The following MALAT1 variants were observed in gnomAD, a reference collection of about 807,000 sequenced individuals.
The protein encoded by MALAT1 is metastasis associated lung adenocarcinoma transcript 1, also known as hepcarcin.
At chr11:65,500,930 TATACTC>T (rs776548730) in exon 3 of MALAT1, 3 of 513,032 alleles carry the variant, frequency 5.8e-6, no homozygotes, top group South Asian at 2.8e-5. Context: ...TTTTCAGGCT[TATACTC>T]ATGAATCTTG....
Position 65,505,952 on chromosome 11 carries a change from G to A in MALAT1, n.5169-308G>A, listed in dbSNP as rs763656158. The A allele has an allele frequency of 2.3e-5, 10 of 438,680 alleles. No homozygotes were observed. In the Middle Eastern group the frequency reaches 1.1e-3, roughly 47 times the overall value. The allele number at this position is 438,680 out of a possible 1,614,324, so 27.2% of individuals were successfully genotyped here. A position where few individuals can be genotyped will look rare whatever the true frequency, so the allele number is the denominator to read the frequency against. ...AAATTCTCTGCTAAGACTTTTTCAG[G>A]TGAACATAACAGACTTGGCCAAGCT... On this transcript the variant is annotated intron_variant and non_coding_transcript_variant, in intron 3 of 3. Coordinates refer to ENST00000619449, the Ensembl canonical transcript of MALAT1.
At chr11:65,501,094 G>T (rs368013106) in exon 3 of MALAT1, 5 of 514,934 alleles carry the variant, frequency 9.7e-6, no homozygotes, top group South Asian at 7.1e-5. Flanking sequence ...TAAGCAGTTT[G>T]TATGTTTAGT....
At chr11:65,503,644 C>A in exon 3 of MALAT1, 1 of 511,780 alleles carries the variant, frequency 2.0e-6, no homozygotes, top group South Asian at 1.4e-5. Context: ...TTTTAGAAAG[C>A]TGTCTCCTTA....
intron 3 of MALAT1, chr11:65,505,526 G>GCA (rs1854663709): frequency 1.9e-6 from 1 of 515,726 alleles, no homozygotes; most frequent in Non-Finnish European, 3.9e-6. Context: ...CCTGTTAAAA[G>GCA]CAAGGTCTCC....
exon 3 of MALAT1, chr11:65,499,728 A>G (rs926703157): frequency 6.9e-6 from 3 of 433,660 alleles, no homozygotes; most frequent in Admixed American, 2.8e-5. Flanking sequence ...ATTAGAAGAT[A>G]AAAACATACT....
exon 3 of MALAT1, chr11:65,499,080 AG>A (rs770831740): frequency 1.9e-6 from 1 of 518,304 alleles, no homozygotes; most frequent in Non-Finnish European, 3.9e-6. Context: ...GCTTCTGCTG[AG>A]GGGGCAGGCG....
exon 1 of MALAT1, chr11:65,497,748 A>T (rs773658779): frequency 5.1e-6 from 2 of 390,236 alleles, no homozygotes; most frequent in Non-Finnish European, 1.0e-5. Flanking sequence ...CGCAGCCTGC[A>T]GCCCGAGACT....
chr11:65,504,462 A>G (rs1276386659), intron 3 of MALAT1: 1 of 518,866 alleles, frequency 1.9e-6, no homozygotes, highest in Non-Finnish European at 3.8e-6. Context: ...TGTGTTCCCC[A>G]ATGCTTGGAG....
chr11:65,498,208 C>A, intron 1 of MALAT1: 1 of 518,934 alleles, frequency 1.9e-6, no homozygotes, highest in Non-Finnish European at 3.8e-6. Context: ...GGAGACAAAG[C>A]CATTCGCTTA....
intron 1 of MALAT1, chr11:65,498,194 C>A: frequency 1.9e-6 from 1 of 518,958 alleles, no homozygotes; most frequent in Non-Finnish European, 3.8e-6. Flanking sequence ...GTCTCTGTGT[C>A]TTCGGAGACA....
chr11:65,499,132 A>G (rs773201877), exon 3 of MALAT1: 4 of 517,656 alleles, frequency 7.7e-6, no homozygotes, highest in South Asian at 1.4e-5. Context: ...TCTCTTTGAA[A>G]GATAGAGATT....
exon 3 of MALAT1, chr11:65,500,077 A>T (rs1018071261): frequency 2.4e-5 from 11 of 454,646 alleles, no homozygotes; most frequent in South Asian, 1.8e-4. Flanking sequence ...AAGCTTGAGA[A>T]GATGAGGGTG....
intron 3 of MALAT1, chr11:65,506,052 C>T (rs372135220): frequency 3.8e-4 from 167 of 443,634 alleles, no homozygotes; most frequent in South Asian, 1.3e-3. Context: ...GAGAAAACAA[C>T]ACGTATTGTT....
chr11:65,505,859 C>T (rs1565057690), intron 3 of MALAT1: 1 of 464,454 alleles, frequency 2.2e-6, no homozygotes, highest in Non-Finnish European at 4.3e-6. Flanking sequence ...TGGGTGGGAA[C>T]ATGTAACTTG....
chr11:65,506,268 T>TA (rs756344756), exon 4 of MALAT1: 2 of 452,846 alleles, frequency 4.4e-6, no homozygotes, highest in Non-Finnish European at 8.5e-6. Context: ...AGGTGGGAGG[T>TA]AACAGCACAA....
At chr11:65,503,704 G>C (rs758183313) in exon 3 of MALAT1, 1 of 517,754 alleles carries the variant, frequency 1.9e-6, no homozygotes, top group Non-Finnish European at 3.9e-6. Context: ...GCAATCTTGG[G>C]GGGGATTCTT....
At chr11:65,498,610 G>C (rs1385971655) in intron 1 of MALAT1, 1 of 518,668 alleles carries the variant, frequency 1.9e-6, no homozygotes, top group Non-Finnish European at 3.8e-6. Context: ...AACCGTCCCT[G>C]CAAGGCTGGG....
intron 3 of MALAT1, chr11:65,505,668 G>A (rs763266102): frequency 1.7e-5 from 9 of 518,908 alleles, no homozygotes; most frequent in Admixed American, 5.8e-5. Context: ...TCAAGGTAAC[G>A]ATGGTGTCGA....
At chr11:65,499,674 CAG>C (rs780027619) in exon 3 of MALAT1, 26 of 434,010 alleles carry the variant, frequency 6.0e-5, no homozygotes, top group South Asian at 1.4e-4. Flanking sequence ...AACTGGAAGA[CAG>C]AAGTACGGGA....
Sources: gnomAD v4.1 joint callset for allele counts on GRCh38, gnomAD v4.1.1 for gene constraint, MANE v1.5 for transcripts, NCBI Gene and HGNC (gene_info 2026-07-23, HGNC 2026-07-21) for gene names.